Variants in C5orf22 observed in about 807,000 individuals in gnomAD.
C5orf22 encodes the protein chromosome 5 open reading frame 22, also known as UPF0489 protein C5orf22.
Under a neutral mutation model 48.7 loss-of-function variants are expected in C5orf22, and 36 were observed. The ratio of observed to expected loss-of-function variants is 0.74; its 90% CI spans 0.57 to 0.98. C5orf22 has a LOEUF of 0.98. C5orf22 is among the 50% of genes least tolerant of loss of function. The probability of loss-of-function intolerance (pLI) is 0.00; values close to 1 mark genes in which losing one functional copy is unlikely to be tolerated. For synonymous variants in C5orf22, 141 were observed against 180.8 expected (o/e 0.78, Z 1.76); for missense variants, 486 against 521.9 (o/e 0.93, Z 0.67).
Position 31,552,891 on chromosome 5 carries a change from C to A in C5orf22, c.1318C>A (p.Pro440Thr). The A allele has an allele frequency of 6.2e-7, 1 of 1,613,590 alleles. No homozygotes were observed. The highest frequency in any genetic ancestry group is 1.1e-5 in the South Asian group (1 of 91,034). ...CCTCCAAGTGTATGCAGCAGAGTCT[C>A]CTCCATCTTGAAACAAACAAAACAT... is the stretch of plus-strand genomic sequence containing the variant. ...LDLQVYAAESPPS is the reference protein window; with the variant it reads ...LDLQVYAAESTPS Residue 440 changes from proline (P) to threonine (T), a missense_variant, in exon 9 of 9, where the codon CCT becomes ACT. Pro to Thr is a conservative substitution (Grantham distance 38, BLOSUM62 -1). Transcript: ENST00000325366.
chr5:31,544,351 A>C (rs910927223), intron 6 of C5orf22, among the ~76,000 whole-genome samples: 1 of 152,206 alleles, frequency 6.6e-6, no homozygotes, highest in Non-Finnish European at 1.5e-5. Flanking sequence ...TGGGAGGCCA[A>C]GGCGGGCGGA....
chr5:31,546,667 CAA>C (rs1200434864), intron 7 of C5orf22, among the ~76,000 whole-genome samples: 41 of 152,112 alleles, frequency 2.7e-4, no homozygotes, highest in African/African-American at 6.8e-4. Flanking sequence ...TGGTGGCAGA[CAA>C]GAGAGAGAGC....
At chr5:31,539,639 C>G (rs566726694) in intron 4 of C5orf22, among the ~76,000 whole-genome samples, 2 of 152,076 alleles carry the variant, frequency 1.3e-5, no homozygotes, top group Non-Finnish European at 2.9e-5. Flanking sequence ...AGCCTAAATA[C>G]CCTTTGGTAC....
rs17410000 is a variant in C5orf22 at position 31,538,585 on chromosome 5, A to C, written c.703A>C (p.Thr235Pro). The change falls in exon 4 of 9, where the codon ACT becomes CCT. Residue 235 changes from threonine (T) to proline (P), a missense_variant. Physicochemically the swap from Thr to Pro is conservative, Grantham distance 38 (BLOSUM62 -1). Transcript: ENST00000325366. The stretch of plus-strand genomic sequence containing the variant: ...TCAGGAATGCCAGACTGCTGCCAGC[A>C]CTGGGGAAATTCTGGAAATTTTGAA... ...ENQECQTAAS[T>P]GEILEILKKG... 500,247 of 1,613,474 alleles carry C rather than the reference A, an allele frequency of 0.31. 81,386 individuals are homozygous for C. Among genetic ancestry groups the C allele is most frequent in the Non-Finnish European group, 0.34 (397,765 of 1,179,546 alleles).
intron 6 of C5orf22, among the ~76,000 whole-genome samples, chr5:31,541,923 T>C (rs1011756497): frequency 6.6e-6 from 1 of 151,866 alleles, no homozygotes; most frequent in Non-Finnish European, 1.5e-5. Flanking sequence ...TTATTATTAT[T>C]ATGTCAATTT....
In C5orf22 at chr5:31,532,315, G is replaced by A; in HGVS notation, c.-78G>A. On this transcript the variant is annotated 5_prime_UTR_variant, in exon 1 of 9. Transcript: ENST00000325366. ...GGAGCGCTTCCGCCCGGAGAGAGCT[G>A]GCCGGGATGAGGCGCCGGCTTTCCC... The A allele has an allele frequency of 6.8e-7, 1 of 1,460,416 alleles. No homozygotes were observed. Among genetic ancestry groups the A allele is most frequent in the Non-Finnish European group, 9.6e-7 (1 of 1,042,572 alleles). The allele number at this position is 1,460,416 out of a possible 1,614,324, so 90.5% of individuals were successfully genotyped here.
intron 7 of C5orf22, 101 bp from the exon 8 acceptor site, chr5:31,551,192 T>C: frequency 9.0e-7 from 1 of 1,109,280 alleles, no homozygotes; most frequent in Non-Finnish European, 1.3e-6. Flanking sequence ...ATCTTTTATG[T>C]ATCAATAAAA....
intron 4 of C5orf22, among the ~76,000 whole-genome samples, chr5:31,539,024 C>G (rs1300906759): frequency 6.6e-6 from 1 of 151,978 alleles, no homozygotes; most frequent in South Asian, 2.1e-4. Flanking sequence ...TACAGTCAGC[C>G]CTCTGTATCC....
Position 31,552,967 on chromosome 5 carries a change from T to G in C5orf22, c.*65T>G. ...GTAACAGGCCCTTAATTAACTTATT[T>G]GTACATGAGTCTTCCAGAGAACACT... On this transcript the variant is annotated 3_prime_UTR_variant, in exon 9 of 9. Coordinates refer to ENST00000325366, the MANE Select transcript of C5orf22 (RefSeq NM_018356.3). 1 of 1,413,632 alleles carries G rather than the reference T, an allele frequency of 7.1e-7. No individual in the cohort carries two copies. The highest frequency in any genetic ancestry group is 9.8e-7 in the Non-Finnish European group (1 of 1,016,212). 87.6% of individuals were successfully genotyped at this position (1,413,632 alleles called of 1,614,324 possible).
At chr5:31,534,986 T>G (rs1415780162) in intron 2 of C5orf22, 5 of 455,070 alleles carry the variant, frequency 1.1e-5, no homozygotes, top group Non-Finnish European at 2.2e-5. Flanking sequence ...CGTCTATTTC[T>G]GCATTTAGTC....
chr5:31,551,736 G>A (rs537319029), intron 8 of C5orf22, among the ~76,000 whole-genome samples: 25 of 152,170 alleles, frequency 1.6e-4, no homozygotes, highest in African/African-American at 5.8e-4. Context: ...AAAGGCCAGG[G>A]GACAGATTAT....
chr5:31,553,157 T>G lies in C5orf22; in HGVS notation c.*255T>G, dbSNP rs915759205. On this transcript the variant is annotated 3_prime_UTR_variant, in exon 9 of 9. Transcript: ENST00000325366. ...TTAAGTATTTTTTAGGGTTTTGTTTTTTTTTTTGTTTGTTTGTTTGTTTGT... is the reference window on the plus strand; with the variant it reads ...TTAAGTATTTTTTAGGGTTTTGTTTGTTTTTTTGTTTGTTTGTTTGTTTGT... 42 of 282,972 alleles carry G rather than the reference T, an allele frequency of 1.5e-4. No homozygotes were observed. The highest frequency in any genetic ancestry group is 5.8e-4 in the Admixed American group (12 of 20,750). The allele number at this position is 282,972 out of a possible 1,614,324, so 17.5% of individuals were successfully genotyped here.
chr5:31,540,779 C>A, intron 4 of C5orf22, 170 bp from the exon 5 acceptor site: 1 of 562,094 alleles, frequency 1.8e-6, no homozygotes, highest in African/African-American at 1.9e-5. Context: ...AAAATTATTA[C>A]AATAAAAATC....
intron 1 of C5orf22, among the ~76,000 whole-genome samples, chr5:31,533,167 A>G (rs927977441): frequency 3.3e-5 from 5 of 151,908 alleles, no homozygotes; most frequent in African/African-American, 1.2e-4. Context: ...GTTAGCCAGG[A>G]TGGTCTGAAA....
At chr5:31,541,547 G>A (rs1742471744) in intron 6 of C5orf22, 145 bp downstream of exon 6, 1 of 777,052 alleles carries the variant, frequency 1.3e-6, no homozygotes. Context: ...CTTGAGGCCA[G>A]GAGTTCCAGA....
chr5:31,546,695 T>A (rs1255947633), intron 7 of C5orf22, among the ~76,000 whole-genome samples: 3 of 152,108 alleles, frequency 2.0e-5, no homozygotes, highest in Non-Finnish European at 4.4e-5. Context: ...CAGGGAGACT[T>A]TTGTTTTTAA....
Position 31,532,312 on chromosome 5 carries a change from G to A in C5orf22, c.-81G>A, listed in dbSNP as rs1342943337. ...GAGGGAGCGCTTCCGCCCGGAGAGA[G>A]CTGGCCGGGATGAGGCGCCGGCTTT... On this transcript the variant is annotated 5_prime_UTR_variant, in exon 1 of 9. Transcript: ENST00000325366. 7.0e-7 allele frequency: 1 copy of A among 1,436,384 alleles called. No homozygotes were observed. The highest frequency in any genetic ancestry group is 9.8e-7 in the Non-Finnish European group (1 of 1,021,150). 89.0% of individuals were successfully genotyped at this position (1,436,384 alleles called of 1,614,324 possible).
chr5:31,544,263 A>G (rs776459670), intron 6 of C5orf22, among the ~76,000 whole-genome samples: 1 of 152,180 alleles, frequency 6.6e-6, no homozygotes, highest in Non-Finnish European at 1.5e-5. Context: ...GAGCTTCCAA[A>G]AGGTCCACCT....
At chr5:31,541,474 A>G in intron 6 of C5orf22, 72 bp downstream of exon 6, 1 of 1,531,566 alleles carries the variant, frequency 6.5e-7, no homozygotes, top group Non-Finnish European at 9.0e-7. Flanking sequence ...TAAATTTGCA[A>G]GATACATTGC....
Sources: allele counts gnomAD v4.1 joint callset (sites outside exome capture counted in the v4.1 genomes callset), GRCh38; gene constraint gnomAD v4.1.1; transcripts MANE v1.5; gene names NCBI Gene and HGNC (gene_info 2026-07-23, HGNC 2026-07-21).